SPINK14: variants seen among roughly 807,000 people sequenced by gnomAD.
SPINK14 encodes serine protease inhibitor Kazal-type 14.
SPINK14 carries 6 observed loss-of-function variants against 14.2 expected under a neutral mutation model. That is an observed-to-expected ratio of 0.42 (90% CI 0.23 to 0.83). SPINK14 has a LOEUF of 0.83. Among genes scored for constraint, SPINK14 ranks in the 40% least tolerant of loss-of-function variants. The pLI is 0.28. For synonymous variants in SPINK14, 34 were observed against 36.8 expected, an observed-to-expected ratio of 0.92 and a Z score of 0.27; for missense variants, 86 against 108.3, an observed-to-expected ratio of 0.79 and a Z score of 0.91.
In SPINK14 at chr5:148,174,934, G is replaced by C. The variant is rs1436472152; in HGVS notation, c.249-419G>C. ...GAGAAAAATTTTCCCCATGGCATCA[G>C]ATTGGAGCTCTTAGCCCAATCATTT... On this transcript the variant is annotated intron_variant, in intron 4 of 4. Transcript: ENST00000356972. Among the ~76,000 whole-genome samples the C allele has an allele frequency of 2.0e-5, 3 of 152,108 alleles. No homozygotes were observed. In the East Asian group the frequency reaches 5.8e-4, roughly 29 times the overall value.
In SPINK14 at chr5:148,173,597, T is replaced by A. The variant is rs1171609884; in HGVS notation, c.112-637T>A. Among the ~76,000 whole-genome samples, 2 of 95,742 alleles carry A rather than the reference T, an allele frequency of 2.1e-5. 1 individual carries two copies. Among genetic ancestry groups the A allele is most frequent in the East Asian group, 5.0e-4 (2 of 4,014 alleles). The allele number at this position is 95,742 out of a possible 152,430, so 62.8% of individuals were successfully genotyped here. On this transcript the variant is annotated intron_variant, in intron 3 of 4. Coordinates refer to ENST00000356972, the MANE Select transcript of SPINK14 (RefSeq NM_001001325.2). Reference sequence around the variant, plus strand: ...AGCTGTCATAGAAAGTCTCTAAGAATCTTTCCAGATCTAATAATTGGGGCA... The same window carrying A: ...AGCTGTCATAGAAAGTCTCTAAGAAACTTTCCAGATCTAATAATTGGGGCA...
chr5:148,174,465 C>A, intron 4 of SPINK14, 95 bp downstream of exon 4: 2 of 750,572 alleles, frequency 2.7e-6, no homozygotes, highest in Non-Finnish European at 3.9e-6. Flanking sequence ...AACCTTGAAG[C>A]CAGGAATTTG....
At chr5:148,174,695 A>T (rs1219129720) in intron 4 of SPINK14, among the ~76,000 whole-genome samples, 7 of 152,080 alleles carry the variant, frequency 4.6e-5, no homozygotes, top group Non-Finnish European at 1.0e-4. Flanking sequence ...TTTAAGAAAA[A>T]TTGTAGTTTT....
chr5:148,172,882 G>A (rs1032584316), intron 3 of SPINK14, among the ~76,000 whole-genome samples: 1 of 152,104 alleles, frequency 6.6e-6, no homozygotes, highest in Non-Finnish European at 1.5e-5. Flanking sequence ...TAAAAGGGCA[G>A]AAAGCAAGGT....
chr5:148,168,600 G>A (rs375482905), intron 1 of SPINK14, among the ~76,000 whole-genome samples, 33 bp downstream of exon 1: 60 of 152,264 alleles, frequency 3.9e-4, no homozygotes, highest in African/African-American at 1.3e-3. Flanking sequence ...GATGGAGAGA[G>A]TGGGCCTCTG....
At chr5:148,172,227 G>T (rs533886830) in intron 3 of SPINK14, among the ~76,000 whole-genome samples, 3 of 152,138 alleles carry the variant, frequency 2.0e-5, no homozygotes, top group Non-Finnish European at 4.4e-5. Context: ...AGGATAAAAA[G>T]TAGCCACCCA....
In SPINK14 at chr5:148,169,795, T is replaced by G; in HGVS notation, c.63T>G (p.Ser21=). ...LSFILIHLVL[S]SVSGPRHWWP... Reference sequence around the variant, plus strand: ...TTATCTTGATACATTTGGTGTTATCTTCTGGTGAGTAATTTAGCTGGTCTT... The same window carrying G: ...TTATCTTGATACATTTGGTGTTATCGTCTGGTGAGTAATTTAGCTGGTCTT... The change falls in exon 2 of 5, where the codon TCT becomes TCG. Residue 21 remains serine (S), a synonymous_variant. Coordinates refer to ENST00000356972, the MANE Select transcript of SPINK14 (RefSeq NM_001001325.2). 4 of 1,610,128 alleles carry G rather than the reference T, an allele frequency of 2.5e-6. No individual in the cohort carries two copies. Among genetic ancestry groups the G allele is most frequent in the Non-Finnish European group, 3.4e-6 (4 of 1,178,042 alleles).
At chr5:148,174,454 C>A in intron 4 of SPINK14, 84 bp downstream of exon 4, 2 of 814,984 alleles carry the variant, frequency 2.5e-6, no homozygotes, top group Non-Finnish European at 3.6e-6. Flanking sequence ...TCAAGTACAT[C>A]AACCTTGAAG....
chr5:148,173,498 G>GA (rs1366912032), intron 3 of SPINK14, among the ~76,000 whole-genome samples: 1 of 31,360 alleles, frequency 3.2e-5, no homozygotes, highest in African/African-American at 1.5e-4. Flanking sequence ...TTTAGAGAGT[G>GA]AAAAAAAAGT....
At position 148,174,246 on chromosome 5, in the gene SPINK14, T is replaced by C; in HGVS notation, c.124T>C (p.Tyr42His). ...PRGIIKVKCPYEKVNLSWYNG... is the reference protein window; with the variant it reads ...PRGIIKVKCPHEKVNLSWYNG... The stretch of plus-strand genomic sequence containing the variant: ...AACTCAATTTCAGGTGAAATGTCCA[T>C]ATGAGAAAGTAAACTTGAGCTGGTA... The change falls in exon 4 of 5, where the codon TAT becomes CAT. Residue 42 changes from tyrosine (Y) to histidine (H), a missense_variant. Transcript: ENST00000356972. 2.7e-6 allele frequency: 3 copies of C among 1,113,970 alleles called. 1 individual carries two copies. The highest frequency in any genetic ancestry group is 1.6e-5 in the South Asian group (1 of 64,310). 69.0% of individuals were successfully genotyped at this position (1,113,970 alleles called of 1,614,324 possible).
At chr5:148,173,774 T>C (rs1379737107) in intron 3 of SPINK14, among the ~76,000 whole-genome samples, 1 of 95,362 alleles carries the variant, frequency 1.0e-5, no homozygotes, top group East Asian at 2.5e-4. Context: ...ATGGGATATA[T>C]ATAGGTTCTA....
chr5:148,172,075 A>G (rs1755112723), intron 3 of SPINK14, among the ~76,000 whole-genome samples: 1 of 152,192 alleles, frequency 6.6e-6, no homozygotes, highest in African/African-American at 2.4e-5. Context: ...GAAGAAACCA[A>G]CTATGATTTA....
At chr5:148,171,024 T>C (rs768091970) in intron 3 of SPINK14, 51 bp downstream of exon 3, 9 of 1,410,134 alleles carry the variant, frequency 6.4e-6, no homozygotes, top group Non-Finnish European at 8.9e-6. Flanking sequence ...ATATGAGTTC[T>C]TTTTTTTTGG....
At chr5:148,169,983 A>T (rs372587446) in intron 2 of SPINK14, among the ~76,000 whole-genome samples, 184 bp downstream of exon 2, 2 of 132,108 alleles carry the variant, frequency 1.5e-5, no homozygotes, top group Non-Finnish European at 1.7e-5. Context: ...ATATTTATAT[A>T]TATACTCAGA....
In SPINK14 at chr5:148,174,357, T is replaced by A; in HGVS notation, c.235T>A (p.Cys79Ser). 1.8e-6 allele frequency: 2 copies of A among 1,113,796 alleles called. 1 individual carries two copies. Among genetic ancestry groups the A allele is most frequent in the Non-Finnish European group, 2.5e-6 (2 of 810,864 alleles). 69.0% of individuals were successfully genotyped at this position (1,113,796 alleles called of 1,614,324 possible). ...AACCTATGATAATCCCTGCATTCTG[T>A]GTGTTGAGAGCTTGTGAGTACTATT... Reference protein sequence around the residue: ...FITYDNPCILCVESLKSHGRI... With the variant: ...FITYDNPCILSVESLKSHGRI... Residue 79 changes from cysteine to serine, a missense_variant, in exon 4 of 5, where the codon TGT becomes AGT. Coordinates refer to ENST00000356972, the MANE Select transcript of SPINK14 (RefSeq NM_001001325.2).
intron 2 of SPINK14, among the ~76,000 whole-genome samples, chr5:148,170,114 CTCTGAGTATACTCAGAGT>C (rs1755082873): frequency 6.8e-6 from 1 of 147,406 alleles, no homozygotes; most frequent in Non-Finnish European, 1.5e-5. Flanking sequence ...TATATATATA[CTCTGAGTATACTCAGAGT>C]ATATATATGT....
chr5:148,174,119 C>G, intron 3 of SPINK14, 115 bp from the exon 4 acceptor site: 1 of 572,844 alleles, frequency 1.7e-6, no homozygotes, highest in Non-Finnish European at 2.8e-6. Flanking sequence ...GTTGGAATGA[C>G]AGGCATGAGC....
At position 148,174,472 on chromosome 5, in the gene SPINK14, T is replaced by C; in HGVS notation, c.248+102T>C. ...AGTACATCAACCTTGAAGCCAGGAATTTGCTCCAGTTCACACAGATAATAA... is the reference window on the plus strand; with the variant it reads ...AGTACATCAACCTTGAAGCCAGGAACTTGCTCCAGTTCACACAGATAATAA... On this transcript the variant is annotated intron_variant, in intron 4 of 4. Coordinates refer to ENST00000356972, the MANE Select transcript of SPINK14 (RefSeq NM_001001325.2). 2.9e-6 allele frequency: 2 copies of C among 693,614 alleles called. 1 individual carries two copies. The highest frequency in any genetic ancestry group is 4.3e-6 in the Non-Finnish European group (2 of 462,490). The allele number at this position is 693,614 out of a possible 1,614,324, so 43.0% of individuals were successfully genotyped here. A position where few individuals can be genotyped will look rare whatever the true frequency, so the allele number is the denominator to read the frequency against.
At chr5:148,174,918 T>C (rs116605811) in intron 4 of SPINK14, among the ~76,000 whole-genome samples, 219 of 152,222 alleles carry the variant, frequency 1.4e-3, no homozygotes, top group African/African-American at 5.1e-3. Context: ...AGAGAAAAAT[T>C]TTCCCCATGG....
Sources: gnomAD v4.1 joint callset for allele counts (sites outside exome capture counted in the v4.1 genomes callset) on GRCh38, gnomAD v4.1.1 for gene constraint, MANE v1.5 for transcripts, NCBI Gene and HGNC (gene_info 2026-07-23, HGNC 2026-07-21) for gene names.